Variants in IRAK1BP1 observed in about 807,000 individuals in gnomAD.
IRAK1BP1 encodes interleukin-1 receptor-associated kinase 1-binding protein 1.
IRAK1BP1 carries 24 observed loss-of-function variants against 28.0 expected under a neutral mutation model. The observed-to-expected ratio is 0.86, with a 90% confidence interval of 0.62 to 1.20. The LOEUF is 1.20. IRAK1BP1 is among the 50% of genes most tolerant of loss of function. The probability of loss-of-function intolerance (pLI) is 0.00; values close to 1 mark genes in which losing one functional copy is unlikely to be tolerated. For synonymous variants in IRAK1BP1, 131 were observed against 116.3 expected (o/e 1.13, Z -0.81); for missense variants, 336 against 316.7 (o/e 1.06, Z -0.46).
At chr6:78,884,013 T>C (rs1204995350) in intron 1 of IRAK1BP1, among the ~76,000 whole-genome samples, 2 of 152,204 alleles carry the variant, frequency 1.3e-5, no homozygotes, top group East Asian at 1.9e-4. Flanking sequence ...GGAGAACTAC[T>C]GTACTGTTTA....
At chr6:78,906,737 A>C (rs1257942359), downstream of IRAK1BP1, among the ~76,000 whole-genome samples, 1 of 152,194 alleles carries the variant, frequency 6.6e-6, no homozygotes, top group Non-Finnish European at 1.5e-5. Context: ...AAATATTTAC[A>C]AAAGGATGAT....
chr6:78,936,981 G>A (rs1773294573), intron 4 of IRAK1BP1: 1 of 151,788 alleles, frequency 6.6e-6, no homozygotes, highest in African/African-American at 2.4e-5. Context: ...TTGCCTAAGT[G>A]TAACAAAACC....
chr6:78,905,817 G>C (rs140035770), downstream of IRAK1BP1, among the ~76,000 whole-genome samples: 891 of 152,200 alleles, frequency 5.9e-3, 4 homozygotes, highest in African/African-American at 0.02. Flanking sequence ...TAGCCAGGAT[G>C]GTGTCGATCT....
Position 78,901,645 on chromosome 6 carries a change from T to TG in IRAK1BP1, c.*3312dup, listed in dbSNP as rs1471143251. ...AGACCCACTGTATCCTAAATGGAAG[T>TG]GCTATTAAAAGGAAATGCTATTAAA... On this transcript the variant is annotated 3_prime_UTR_variant, in exon 4 of 4. Transcript: ENST00000369940. The TG allele has an allele frequency of 6.6e-6, 1 of 152,126 alleles. No individual in the cohort carries two copies. The highest frequency in any genetic ancestry group is 1.5e-5 in the Non-Finnish European group (1 of 67,990). 9.4% of individuals were successfully genotyped at this position (152,126 alleles called of 1,614,324 possible). A position where few individuals can be genotyped will look rare whatever the true frequency, so the allele number is the denominator to read the frequency against.
intron 4 of IRAK1BP1, among the ~76,000 whole-genome samples, chr6:78,908,262 A>C (rs2127660136): frequency 6.6e-6 from 1 of 152,084 alleles, no homozygotes; most frequent in South Asian, 2.1e-4. Context: ...CATATTGGTC[A>C]GGATGGTCTT....
chr6:78,878,292 A>G (rs561031265), intron 1 of IRAK1BP1, among the ~76,000 whole-genome samples: 1 of 152,266 alleles, frequency 6.6e-6, no homozygotes, highest in African/African-American at 2.4e-5. Context: ...TCCATCTGAG[A>G]CGAAGCTTCC....
At chr6:78,969,967 T>A in the IRAK1BP1 span, 1 of 1,579,320 alleles carries the variant, frequency 6.3e-7, no homozygotes, top group African/African-American at 1.4e-5. Flanking sequence ...TAAAAATACC[T>A]AAAAGATGTT....
At chr6:78,923,649 A>G (rs1203358022) in intron 4 of IRAK1BP1, among the ~76,000 whole-genome samples, 1 of 152,212 alleles carries the variant, frequency 6.6e-6, no homozygotes, top group African/African-American at 2.4e-5. Flanking sequence ...CTATTCCAAA[A>G]TTGACCACAT....
intron 1 of IRAK1BP1, among the ~76,000 whole-genome samples, chr6:78,876,463 G>C (rs148979247): frequency 1.3e-5 from 2 of 152,274 alleles, no homozygotes; most frequent in Admixed American, 6.5e-5. Flanking sequence ...TTTGTATTTA[G>C]AAATAAACAG....
intron 1 of IRAK1BP1, among the ~76,000 whole-genome samples, chr6:78,881,181 A>G (rs141867363): frequency 6.6e-6 from 1 of 152,320 alleles, no homozygotes; most frequent in East Asian, 1.9e-4. Flanking sequence ...AAAGAATATT[A>G]TTCAGCAATA....
chr6:78,886,095 G>A (rs1489400580), intron 2 of IRAK1BP1, among the ~76,000 whole-genome samples: 1 of 152,116 alleles, frequency 6.6e-6, no homozygotes, highest in Non-Finnish European at 1.5e-5. Context: ...AACAAGAAAC[G>A]AAGAGTGGGT....
intron 1 of IRAK1BP1, among the ~76,000 whole-genome samples, chr6:78,875,370 T>G (rs1314472027): frequency 6.6e-6 from 1 of 152,154 alleles, no homozygotes; most frequent in East Asian, 1.9e-4. Context: ...CCTGGCAATC[T>G]CTTTGCCGGG....
chr6:78,897,578 T>C (rs1287837642), intron 2 of IRAK1BP1, among the ~76,000 whole-genome samples: 1 of 152,166 alleles, frequency 6.6e-6, no homozygotes, highest in Non-Finnish European at 1.5e-5. Context: ...TTCAATTTCA[T>C]TTAAAAATCC....
At chr6:78,874,757 C>G (rs1382983789) in intron 1 of IRAK1BP1, among the ~76,000 whole-genome samples, 1 of 152,092 alleles carries the variant, frequency 6.6e-6, no homozygotes, top group Non-Finnish European at 1.5e-5. Flanking sequence ...GTGTCCCAGT[C>G]CATTTATTTA....
At chr6:78,908,052 TTATTTATC>T (rs972212854), downstream of IRAK1BP1, among the ~76,000 whole-genome samples, 3 of 149,640 alleles carry the variant, frequency 2.0e-5, no homozygotes, top group African/African-American at 7.4e-5. Flanking sequence ...ATTTATTTAT[TTATTTATC>T]TATTTTTTGA....
At position 78,900,332 on chromosome 6, in the gene IRAK1BP1, T is replaced by A. The variant is rs969860058; in HGVS notation, c.*1998T>A. ...GCATAGGCTTTCCATTCTCTATACATCTAGGTCATAGAGTTTTTCCATTGA... is the reference window on the plus strand; with the variant it reads ...GCATAGGCTTTCCATTCTCTATACAACTAGGTCATAGAGTTTTTCCATTGA... On this transcript the variant is annotated 3_prime_UTR_variant, in exon 4 of 4. Coordinates refer to ENST00000369940, the MANE Select transcript of IRAK1BP1 (RefSeq NM_001010844.4). 3.3e-5 allele frequency: 5 copies of A among 152,232 alleles called. No homozygotes were observed. Among genetic ancestry groups the A allele is most frequent in the Non-Finnish European group, 7.3e-5 (5 of 68,046 alleles). The allele number at this position is 152,232 out of a possible 1,614,324, so 9.4% of individuals were successfully genotyped here. A position where few individuals can be genotyped will look rare whatever the true frequency, so the allele number is the denominator to read the frequency against.
downstream of IRAK1BP1, chr6:78,947,584 C>A (rs1773895818): frequency 1.9e-6 from 2 of 1,038,846 alleles, no homozygotes; most frequent in Non-Finnish European, 2.9e-6. Flanking sequence ...ACTCCTCTAA[C>A]TTAATCTAGT....
At chr6:78,963,188 G>A in the IRAK1BP1 span, 2 of 1,611,028 alleles carry the variant, frequency 1.2e-6, no homozygotes, top group Non-Finnish European at 1.7e-6. Flanking sequence ...GAGGTTTATA[G>A]ATTAGTGATC....
intron 4 of IRAK1BP1, among the ~76,000 whole-genome samples, chr6:78,917,481 A>C (rs1772591079): frequency 6.6e-6 from 1 of 152,128 alleles, no homozygotes; most frequent in Non-Finnish European, 1.5e-5. Flanking sequence ...AACAATGTGG[A>C]AAACATATTT....
Sources: gnomAD v4.1 joint callset for allele counts (sites outside exome capture counted in the v4.1 genomes callset) on GRCh38, gnomAD v4.1.1 for gene constraint, MANE v1.5 for transcripts, NCBI Gene and HGNC (gene_info 2026-07-23, HGNC 2026-07-21) for gene names.